The following B4GALT1 variants were observed in gnomAD, a reference collection of about 807,000 sequenced individuals.
B4GALT1 encodes beta-1,4-galactosyltransferase 1, also known as N-acetyllactosamine synthase.
Under a neutral mutation model 34.9 loss-of-function variants are expected in B4GALT1, and 16 were observed. That is an observed-to-expected ratio of 0.46 (90% confidence interval 0.31 to 0.70). The LOEUF (loss-of-function observed/expected upper bound fraction) is 0.70, where lower values mean the gene tolerates loss of function less well. Ranked by LOEUF, B4GALT1 falls within the 30% of genes least tolerant of loss-of-function variation. B4GALT1 has a pLI of 0.05. For missense variants in B4GALT1, 445 were observed against 530.5 expected, an observed-to-expected ratio of 0.84 and a Z score of 1.58; for synonymous variants, 221 against 218.1, an observed-to-expected ratio of 1.01 and a Z score of -0.12.
chr9:33,115,203 T>C (rs1839921988), intron 4 of B4GALT1, among the ~76,000 whole-genome samples: 1 of 152,252 alleles, frequency 6.6e-6, no homozygotes, highest in African/African-American at 2.4e-5. Flanking sequence ...AATGGTAACT[T>C]GAATGACTTG....
chr9:33,141,681 C>A (rs1342823994), intron 1 of B4GALT1, among the ~76,000 whole-genome samples: 1 of 152,192 alleles, frequency 6.6e-6, no homozygotes, highest in Non-Finnish European at 1.5e-5. Flanking sequence ...AAAGAAGCAG[C>A]TCCTCCATCA....
At chr9:33,116,178 A>G (rs1839934941) in intron 3 of B4GALT1, 65 bp from the exon 4 acceptor site, 2 of 1,575,536 alleles carry the variant, frequency 1.3e-6, no homozygotes, top group Admixed American at 1.7e-5. Flanking sequence ...CCCAAAATAA[A>G]GCTTGCTGAG....
chr9:33,134,458 T>C (rs1466687840), intron 2 of B4GALT1, among the ~76,000 whole-genome samples: 1 of 152,226 alleles, frequency 6.6e-6, no homozygotes, highest in Non-Finnish European at 1.5e-5. Context: ...ATCAAAGTTA[T>C]ACTCTTGGGA....
intron 1 of B4GALT1, among the ~76,000 whole-genome samples, chr9:33,136,522 G>A (rs547537936): frequency 5.3e-5 from 8 of 152,294 alleles, no homozygotes; most frequent in Non-Finnish European, 1.2e-4. Context: ...AACATGTCTC[G>A]TGGTCAAATA....
At chr9:33,152,370 A>ATAACATAACATAACAT (rs1554688121) in intron 1 of B4GALT1, among the ~76,000 whole-genome samples, 1 of 67,622 alleles carries the variant, frequency 1.5e-5, no homozygotes, top group African/African-American at 7.2e-5. Context: ...ATAACATAAC[A>ATAACATAACATAACAT]ACTTCTACAT....
the B4GALT1 span, among the ~76,000 whole-genome samples, chr9:33,181,459 C>CACACAA: frequency 6.6e-6 from 1 of 151,348 alleles, no homozygotes; most frequent in Admixed American, 6.6e-5. Flanking sequence ...CACACACACA[C>CACACAA]AAACTATTCT....
chr9:33,120,384 A>G (rs991702112), intron 3 of B4GALT1, 35 bp downstream of exon 3: 36 of 1,609,206 alleles, frequency 2.2e-5, no homozygotes, highest in Non-Finnish European at 2.7e-5. Flanking sequence ...TGAGAGAGAC[A>G]TGTTTACCAC....
intron 2 of B4GALT1, among the ~76,000 whole-genome samples, chr9:33,122,048 TG>T (rs1328881985): frequency 7.2e-5 from 11 of 152,290 alleles, no homozygotes; most frequent in Admixed American, 5.2e-4. Context: ...AACACCAACA[TG>T]AGGAAACGAA....
intron 3 of B4GALT1, among the ~76,000 whole-genome samples, chr9:33,116,324 C>T (rs1287617336): frequency 2.0e-5 from 3 of 152,086 alleles, no homozygotes; most frequent in Admixed American, 6.6e-5. Context: ...TTCCGCCTCC[C>T]GGGTTCAAGC....
chr9:33,149,918 A>T (rs1183157879), intron 1 of B4GALT1, among the ~76,000 whole-genome samples: 1 of 152,222 alleles, frequency 6.6e-6, no homozygotes, highest in East Asian at 1.9e-4. Flanking sequence ...AAGAGACATG[A>T]CAACTGAATA....
upstream of B4GALT1, among the ~76,000 whole-genome samples, chr9:33,169,968 A>ATT (rs74178857): frequency 0.01 from 1,230 of 120,468 alleles, 61 homozygotes; most frequent in African/African-American, 0.03. Flanking sequence ...CAGCCCCTAG[A>ATT]TTTTTTTTTT....
At chr9:33,116,521 C>T (rs369215840) in intron 3 of B4GALT1, among the ~76,000 whole-genome samples, 21 of 107,276 alleles carry the variant, frequency 2.0e-4, no homozygotes, top group Middle Eastern at 8.9e-3. Context: ...CAAACCGGAT[C>T]TTTTTTTTTT....
At chr9:33,129,631 T>G (rs1287667196) in intron 2 of B4GALT1, among the ~76,000 whole-genome samples, 2 of 152,112 alleles carry the variant, frequency 1.3e-5, no homozygotes, top group Non-Finnish European at 2.9e-5. Flanking sequence ...GAGGCAGACA[T>G]GAGGGACTCA....
intron 1 of B4GALT1, among the ~76,000 whole-genome samples, chr9:33,151,013 G>A (rs1359153377): frequency 2.0e-5 from 3 of 152,142 alleles, no homozygotes; most frequent in Non-Finnish European, 4.4e-5. Context: ...GAGAGATGGC[G>A]GATGGAGCTG....
chr9:33,135,661 C>G lies in B4GALT1; in HGVS notation c.413-237G>C, dbSNP rs116975914. On this transcript the variant is annotated intron_variant, in intron 1 of 5. Transcript: ENST00000379731. ...TGGGGCAAACCTAGATGGTTGGTCACTCTGTGAAGCACTCGCCTGCCCAGG... is the reference window on the plus strand; with the variant it reads ...TGGGGCAAACCTAGATGGTTGGTCAGTCTGTGAAGCACTCGCCTGCCCAGG... Among the ~76,000 whole-genome samples, 690 of 152,352 alleles carry G rather than the reference C, an allele frequency of 4.5e-3. 7 individuals are homozygous for G. Among genetic ancestry groups the G allele is most frequent in the South Asian group, 0.028 (135 of 4,828 alleles).
At position 33,147,388 on chromosome 9, in the gene B4GALT1, C is replaced by T. The variant is rs181439630; in HGVS notation, c.413-11964G>A. 2.3e-3 allele frequency among the ~76,000 whole-genome samples: 344 copies of T among 152,086 alleles called. 2 individuals are homozygous for T. The highest frequency in any genetic ancestry group is 0.02 in the Middle Eastern group (6 of 294). On this transcript the variant is annotated intron_variant, in intron 1 of 5. Coordinates refer to ENST00000379731, the MANE Select transcript of B4GALT1 (RefSeq NM_001497.4). ...TCAGCCTCCCAAGTAGCTGGGATTACAGGCACCTGCCACCACGCCCAGCTG... is the reference window on the plus strand; with the variant it reads ...TCAGCCTCCCAAGTAGCTGGGATTATAGGCACCTGCCACCACGCCCAGCTG...
chr9:33,158,251 T>C (rs1211643046), intron 1 of B4GALT1, among the ~76,000 whole-genome samples: 1 of 152,170 alleles, frequency 6.6e-6, no homozygotes, highest in Non-Finnish European at 1.5e-5. Context: ...CCTAAAATGA[T>C]GTAATGAATT....
chr9:33,148,804 T>TAAAAAAAAA (rs72391353), intron 1 of B4GALT1, among the ~76,000 whole-genome samples: 2 of 127,722 alleles, frequency 1.6e-5, no homozygotes, highest in Non-Finnish European at 1.7e-5. Context: ...TGCCTAAAAG[T>TAAAAAAAAA]AAAAAAAAAA....
chr9:33,117,212 G>C (rs1445310919), intron 3 of B4GALT1, among the ~76,000 whole-genome samples: 4 of 152,192 alleles, frequency 2.6e-5, no homozygotes, highest in African/African-American at 9.7e-5. Context: ...ATACTGACTA[G>C]AACACTGGCC....
Sources: allele counts gnomAD v4.1 joint callset (sites outside exome capture counted in the v4.1 genomes callset), GRCh38; gene constraint gnomAD v4.1.1; transcripts MANE v1.5; gene names NCBI Gene and HGNC (gene_info 2026-07-23, HGNC 2026-07-21).